KLF17: variants seen among roughly 807,000 people sequenced by gnomAD.
KLF17 encodes Krueppel-like factor 17.
KLF17 carries 31 observed loss-of-function variants against 34.2 expected under a neutral mutation model. The ratio of observed to expected loss-of-function variants is 0.91; its 90% confidence interval spans 0.68 to 1.22. The LOEUF is 1.22. Ranked by LOEUF, KLF17 falls within the 50% of genes most tolerant of loss-of-function variation. The pLI, the probability that KLF17 is intolerant of heterozygous loss-of-function variation, is 0.00. For missense variants in KLF17, 478 were observed against 505.2 expected (o/e 0.95, Z 0.52); for synonymous variants, 179 against 186.7 (o/e 0.96, Z 0.34).
the KLF17 span, among the ~76,000 whole-genome samples, chr1:44,063,769 G>A: frequency 5.3e-5 from 8 of 152,288 alleles, no homozygotes; most frequent in South Asian, 2.1e-4. Context: ...CAAAAAGACC[G>A]TAAGGGCCAT....
At chr1:44,091,844 G>A in the KLF17 span, among the ~76,000 whole-genome samples, 2 of 149,450 alleles carry the variant, frequency 1.3e-5, no homozygotes, top group Non-Finnish European at 3.0e-5. Flanking sequence ...CTAGGAGTTC[G>A]AGGCTGCAGT....
chr1:44,062,210 C>T, the KLF17 span, among the ~76,000 whole-genome samples: 153 of 152,330 alleles, frequency 1.0e-3, no homozygotes, highest in African/African-American at 3.5e-3. Flanking sequence ...GTCAGTCTTT[C>T]TTTCCCCAAG....
chr1:44,124,644 G>A (rs921198641), intron 1 of KLF17, among the ~76,000 whole-genome samples: 20 of 152,078 alleles, frequency 1.3e-4, no homozygotes, highest in Middle Eastern at 3.4e-3. Flanking sequence ...ACAGGCGCCC[G>A]CCACCTCGCC....
the KLF17 span, among the ~76,000 whole-genome samples, chr1:44,079,303 TCTC>T: frequency 1.3e-5 from 2 of 150,612 alleles, no homozygotes; most frequent in Admixed American, 1.3e-4. Flanking sequence ...TTTCTTTTCT[TCTC>T]CTTTTTTTTT....
At chr1:44,107,098 G>A in the KLF17 span, 1 of 152,158 alleles carries the variant, frequency 6.6e-6, no homozygotes, top group African/African-American at 2.4e-5. Flanking sequence ...ATGGGTTGAT[G>A]AATGTGAGAC....
chr1:44,080,848 G>T, the KLF17 span, among the ~76,000 whole-genome samples: 2 of 150,330 alleles, frequency 1.3e-5, no homozygotes, highest in African/African-American at 2.4e-5. Flanking sequence ...TCAAGTAGCT[G>T]GGACTATAGG....
the KLF17 span, among the ~76,000 whole-genome samples, chr1:44,113,047 T>C: frequency 6.6e-6 from 1 of 152,240 alleles, no homozygotes; most frequent in East Asian, 1.9e-4. Context: ...AGCTCATATA[T>C]GTAACTGCTT....
the KLF17 span, among the ~76,000 whole-genome samples, chr1:44,082,630 T>C: frequency 1.3e-5 from 2 of 152,216 alleles, no homozygotes; most frequent in Non-Finnish European, 2.9e-5. Flanking sequence ...TTAAGAAAAG[T>C]GTCATATTTT....
chr1:44,074,304 C>T, the KLF17 span, among the ~76,000 whole-genome samples: 1 of 151,968 alleles, frequency 6.6e-6, no homozygotes, highest in African/African-American at 2.4e-5. Flanking sequence ...TAACTCCTTT[C>T]TCCTCTCTGG....
At chr1:44,104,617 G>A in the KLF17 span, 2 of 540,850 alleles carry the variant, frequency 3.7e-6, no homozygotes, top group Non-Finnish European at 3.4e-6. Flanking sequence ...CATAGCCTCT[G>A]CCCAGGCCAG....
intron 1 of KLF17, among the ~76,000 whole-genome samples, chr1:44,122,882 A>G (rs895148905): frequency 1.3e-5 from 2 of 152,182 alleles, no homozygotes; most frequent in Non-Finnish European, 2.9e-5. Context: ...TACAGGCATG[A>G]GCCACTGCAC....
At position 44,129,866 on chromosome 1, in the gene KLF17, A is replaced by T; in HGVS notation, c.595A>T (p.Thr199Ser). 6.2e-7 allele frequency: 1 copy of T among 1,614,052 alleles called. No homozygotes were observed. Among genetic ancestry groups the T allele is most frequent in the South Asian group, 1.1e-5 (1 of 91,080 alleles). Residue 199 changes from threonine to serine, a missense_variant, in exon 2 of 4, where the codon ACT becomes TCT. Coordinates refer to ENST00000372299, the MANE Select transcript of KLF17 (RefSeq NM_173484.4). ...ETLLGPTVPS[T>S]EAQAVLPSMA... ...ATTGTTGGGCCCGACTGTGCCTTCC[A>T]CTGAGGCCCAGGCAGTGCTCCCCTC...
Position 44,129,904 on chromosome 1 carries a change from G to C in KLF17, c.633G>C (p.Met211Ile), listed in dbSNP as rs764096822. Residue 211 changes from methionine to isoleucine, a missense_variant, in exon 2 of 4, where the codon ATG (methionine) becomes ATC (isoleucine). Coordinates refer to ENST00000372299, the MANE Select transcript of KLF17 (RefSeq NM_173484.4). Reference protein sequence around the residue: ...AQAVLPSMAQMLPPQDAHDLG... With the variant: ...AQAVLPSMAQILPPQDAHDLG... ...CAGTGCTCCCCTCCATGGCTCAGATGTTGCCCCCGCAAGATGCCCATGACC... is the reference window on the plus strand; with the variant it reads ...CAGTGCTCCCCTCCATGGCTCAGATCTTGCCCCCGCAAGATGCCCATGACC... 1 of 1,614,056 alleles carries C rather than the reference G, an allele frequency of 6.2e-7. No individual in the cohort carries two copies. Among genetic ancestry groups the C allele is most frequent in the African/African-American group, 1.3e-5 (1 of 74,926 alleles).
chr1:44,083,230 G>A, the KLF17 span, among the ~76,000 whole-genome samples: 1 of 151,430 alleles, frequency 6.6e-6, no homozygotes, highest in Non-Finnish European at 1.5e-5. Context: ...TTATAGGCAT[G>A]AGGCACCACA....
At chr1:44,126,754 G>C (rs763685305) in intron 1 of KLF17, among the ~76,000 whole-genome samples, 1 of 152,118 alleles carries the variant, frequency 6.6e-6, no homozygotes, top group Non-Finnish European at 1.5e-5. Context: ...TAGAATTAGA[G>C]ACAAGTCTAG....
chr1:44,085,335 T>C, the KLF17 span, among the ~76,000 whole-genome samples: 1 of 152,088 alleles, frequency 6.6e-6, no homozygotes, highest in South Asian at 2.1e-4. Context: ...AGTATGTACA[T>C]GGTAGACAGA....
chr1:44,049,247 T>C, the KLF17 span, among the ~76,000 whole-genome samples: 6 of 152,108 alleles, frequency 3.9e-5, no homozygotes, highest in Non-Finnish European at 7.3e-5. Context: ...TAAACCTAAT[T>C]TCTTCCCAAC....
the KLF17 span, among the ~76,000 whole-genome samples, chr1:44,065,566 C>T: frequency 2.0e-5 from 3 of 151,630 alleles, no homozygotes; most frequent in South Asian, 2.1e-4. Context: ...AGCACCACCA[C>T]GCCAGGCTAA....
At chr1:44,067,796 C>T in the KLF17 span, among the ~76,000 whole-genome samples, 1 of 151,878 alleles carries the variant, frequency 6.6e-6, no homozygotes, top group African/African-American at 2.4e-5. Flanking sequence ...GAGCCAATGC[C>T]ACCCTGACCT....
Sources: allele counts gnomAD v4.1 joint callset (sites outside exome capture counted in the v4.1 genomes callset), GRCh38; gene constraint gnomAD v4.1.1; transcripts MANE v1.5; gene names NCBI Gene and HGNC (gene_info 2026-07-23, HGNC 2026-07-21).